Variants in VWA3A observed in about 807,000 individuals in gnomAD.
The protein encoded by VWA3A is von Willebrand factor A domain containing 3A.
Under a neutral mutation model 160.4 loss-of-function variants are expected in VWA3A, and 134 were observed. The observed-to-expected ratio is 0.84, with a 90% confidence interval of 0.73 to 0.96. VWA3A has a LOEUF of 0.96. VWA3A is among the 40% of genes least tolerant of loss of function. VWA3A has a pLI of 0.00. For missense variants in VWA3A, 1,310 were observed against 1,447.9 expected (o/e 0.90, Z 1.55); for synonymous variants, 476 against 543.4 (o/e 0.88, Z 1.72).
intron 3 of VWA3A, among the ~76,000 whole-genome samples, chr16:22,098,911 C>CAAAAAAAAA (rs900328333): frequency 4.9e-5 from 2 of 41,056 alleles, no homozygotes; most frequent in African/African-American, 1.0e-4. Flanking sequence ...CCTGTTTCCA[C>CAAAAAAAAA]AAAAAAAAAA....
intron 19 of VWA3A, 32 bp from the exon 20 acceptor site, chr16:22,132,868 G>T (rs1461489197): frequency 3.1e-6 from 5 of 1,595,196 alleles, no homozygotes; most frequent in East Asian, 2.2e-5. Flanking sequence ...GCCCTCAGCT[G>T]CTGGCCCCTC....
At chr16:22,099,844 G>A (rs533520464) in intron 3 of VWA3A, among the ~76,000 whole-genome samples, 1 of 152,334 alleles carries the variant, frequency 6.6e-6, no homozygotes, top group African/African-American at 2.4e-5. Flanking sequence ...GGAGGCCAAG[G>A]CTGGTGGATC....
intron 6 of VWA3A, among the ~76,000 whole-genome samples, chr16:22,104,660 A>G (rs1345257894): frequency 2.6e-5 from 4 of 152,180 alleles, no homozygotes; most frequent in Admixed American, 2.6e-4. Flanking sequence ...AGCCTGGGCA[A>G]CAGAGCAAGA....
intron 21 of VWA3A, among the ~76,000 whole-genome samples, chr16:22,136,758 C>A (rs895511169): frequency 6.6e-6 from 1 of 151,988 alleles, no homozygotes; most frequent in African/African-American, 2.4e-5. Flanking sequence ...CCCAGCTGGG[C>A]GTAGTGGCTC....
intron 15 of VWA3A, 77 bp from the exon 16 acceptor site, chr16:22,123,536 G>C: frequency 3.1e-6 from 5 of 1,611,408 alleles, no homozygotes; most frequent in Non-Finnish European, 4.2e-6. Context: ...AGCCCACCCA[G>C]GTACACGTAC....
chr16:22,100,687 A>T (rs898719597), intron 5 of VWA3A, among the ~76,000 whole-genome samples, 194 bp downstream of exon 5: 11 of 151,768 alleles, frequency 7.2e-5, no homozygotes, highest in East Asian at 1.9e-4. Flanking sequence ...ATATTTTTTT[A>T]AAAAATTAGC....
chr16:22,121,062 A>G lies in VWA3A; in HGVS notation c.1211A>G (p.Asp404Gly), dbSNP rs772819997. The part of the protein sequence containing the change: ...APLTIEFPNL[D>G]KTSAEWLKVN... ...CTCACCATTGAGTTTCCAAACTTGG[A>G]CAAGACTTCTGCAGAGTGGCTTAAG... is the stretch of plus-strand genomic sequence containing the variant. The change falls in exon 13 of 34, where the codon GAC becomes GGC. Residue 404 changes from aspartate to glycine, a missense_variant. By Grantham distance (94) the Asp-to-Gly change is moderately conservative (BLOSUM62 -1). Transcript: ENST00000389398. 23 of 1,614,000 alleles carry G rather than the reference A, an allele frequency of 1.4e-5. No individual in the cohort carries two copies. Among genetic ancestry groups the G allele is most frequent in the East Asian group, 2.2e-5 (1 of 44,888 alleles).
In VWA3A at chr16:22,123,658, T is replaced by G. The variant is rs764822073; in HGVS notation, c.1483T>G (p.Trp495Gly). ...AMRMYERRIE[W>G]LSLASRRIWG... ...GCGGATGTATGAGAGGCGGATTGAG[T>G]GGCTCTCCCTGGCCAGCAGAAGAAT... Residue 495 changes from tryptophan to glycine, a missense_variant, in exon 16 of 34, where the codon TGG becomes GGG. Coordinates refer to ENST00000389398, the MANE Select transcript of VWA3A (RefSeq NM_173615.5). The G allele has an allele frequency of 2.5e-6, 4 of 1,613,764 alleles. No individual in the cohort carries two copies. The African/African-American group carries it at 5.3e-5, about 22-fold the overall frequency.
chr16:22,135,425 A>T (rs2046022008), intron 21 of VWA3A, among the ~76,000 whole-genome samples: 1 of 152,118 alleles, frequency 6.6e-6, no homozygotes, highest in Non-Finnish European at 1.5e-5. Flanking sequence ...GCCTCACCGT[A>T]ATTTGTATCT....
rs994971951 is a variant in VWA3A, at chr16:22,134,403, T to C, written c.2104T>C (p.Ser702Pro). 1 of 1,599,522 alleles carries C rather than the reference T, an allele frequency of 6.3e-7. No homozygotes were observed. Among genetic ancestry groups the C allele is most frequent in the East Asian group, 2.2e-5 (1 of 44,566 alleles). ...GAGCGATGACATCAACTCCATCATG[T>C]CTGAGATGGAAAAGGCTCTCAACTA... ...YESDDINSIM[S>P]EMEKALNYSQ... Residue 702 changes from serine to proline, a missense_variant, in exon 21 of 34, where the codon TCT becomes CCT. Coordinates refer to ENST00000389398, the MANE Select transcript of VWA3A (RefSeq NM_173615.5).
chr16:22,138,227 T>C, intron 21 of VWA3A, 133 bp from the exon 22 acceptor site: 1 of 1,125,090 alleles, frequency 8.9e-7, no homozygotes, highest in East Asian at 2.6e-5. Context: ...CCCAGGTGGC[T>C]TTCTAGGGAC....
Position 22,100,193 on chromosome 16 carries a change from G to A in VWA3A, c.226-1G>A. 1 of 1,541,046 alleles carries A rather than the reference G, an allele frequency of 6.5e-7. No homozygotes were observed. Among genetic ancestry groups the A allele is most frequent in the Non-Finnish European group, 8.7e-7 (1 of 1,143,542 alleles). ...GTTTGACTCTGGCTTTTGTCTTGCAGAGGCTGCAGGGGAGTGAGACCCAGT... is the reference window on the plus strand; with the variant it reads ...GTTTGACTCTGGCTTTTGTCTTGCAAAGGCTGCAGGGGAGTGAGACCCAGT... On this transcript the variant is annotated splice_acceptor_variant, in intron 3 of 33. Coordinates refer to ENST00000389398, the MANE Select transcript of VWA3A (RefSeq NM_173615.5). LOFTEE classifies it high-confidence loss of function.
In VWA3A at chr16:22,156,022, C is replaced by A. The variant is rs1046241112; in HGVS notation, c.*15-10C>A. 4 of 1,268,414 alleles carry A rather than the reference C, an allele frequency of 3.2e-6. No individual in the cohort carries two copies. In the Admixed American group the frequency reaches 8.9e-5, roughly 28 times the overall value. 78.6% of individuals were successfully genotyped at this position (1,268,414 alleles called of 1,614,324 possible). ...AACTTTGGTTAAAAAATAATGATTC[C>A]TCTAAACAGAAAAGTCATCCTGCAA... On this transcript the variant is annotated splice_polypyrimidine_tract_variant and intron_variant, in intron 33 of 33. Transcript: ENST00000389398.
intron 29 of VWA3A, 41 bp downstream of exon 29, chr16:22,149,972 T>TA: frequency 6.4e-7 from 1 of 1,571,552 alleles, no homozygotes; most frequent in Non-Finnish European, 8.7e-7. Flanking sequence ...GCAAAACAAA[T>TA]ACCATCATCC....
intron 5 of VWA3A, among the ~76,000 whole-genome samples, chr16:22,100,756 G>A (rs549611553): frequency 5.4e-4 from 82 of 151,132 alleles, no homozygotes; most frequent in Non-Finnish European, 8.8e-4. Context: ...CAGGAGAATC[G>A]CTTGAACTCG....
chr16:22,104,995 A>G (rs898677651), intron 6 of VWA3A, among the ~76,000 whole-genome samples: 5 of 152,000 alleles, frequency 3.3e-5, no homozygotes, highest in African/African-American at 1.2e-4. Context: ...GGGTAACAAC[A>G]TAGTGCTAAG....
Position 22,131,697 on chromosome 16 carries a change from C to T in VWA3A, c.1840C>T (p.Leu614Phe), listed in dbSNP as rs1279031406. The T allele has an allele frequency of 6.2e-7, 1 of 1,613,982 alleles. No individual in the cohort carries two copies. The highest frequency in any genetic ancestry group is 1.7e-5 in the Admixed American group (1 of 60,024). Residue 614 changes from leucine (L) to phenylalanine (F), a missense_variant, in exon 19 of 34, where the codon CTC becomes TTC. Physicochemically the swap from Leu to Phe is conservative, Grantham distance 22 (BLOSUM62 0). Transcript: ENST00000389398. ...KDKHQSQGIY[L>F]FTGGIPDQDM... Reference sequence around the variant, plus strand: ...CAAACACCAATCGCAGGGAATCTACCTCTTCACTGGGGGCATCCCCGACCA... The same window carrying T: ...CAAACACCAATCGCAGGGAATCTACTTCTTCACTGGGGGCATCCCCGACCA...
chr16:22,103,419 T>A (rs948056413), intron 5 of VWA3A, 56 bp from the exon 6 acceptor site: 23 of 1,482,602 alleles, frequency 1.6e-5, no homozygotes, highest in Middle Eastern at 3.4e-4. Context: ...TGTAAGTGGC[T>A]GTTGCTCAGT....
rs2046292322 is a variant in VWA3A, at chr16:22,148,323, G to A, written c.2984+17G>A. ...CTGTGACAGGTAGGAGGCGAGGGCT[G>A]ATCAGGAAGATCAAAGGGGCAGTTC... On this transcript the variant is annotated intron_variant, in intron 28 of 33. Coordinates refer to ENST00000389398, the MANE Select transcript of VWA3A (RefSeq NM_173615.5). The A allele has an allele frequency of 6.3e-7, 1 of 1,579,330 alleles. No individual in the cohort carries two copies. Among genetic ancestry groups the A allele is most frequent in the East Asian group, 2.3e-5 (1 of 43,298 alleles).
Sources: gnomAD v4.1 joint callset for allele counts (sites outside exome capture counted in the v4.1 genomes callset) on GRCh38, gnomAD v4.1.1 for gene constraint, MANE v1.5 for transcripts, NCBI Gene and HGNC (gene_info 2026-07-23, HGNC 2026-07-21) for gene names.